The following ZNF723 variants were observed in gnomAD, a reference collection of about 807,000 sequenced individuals.
The protein encoded by ZNF723 is zinc finger protein 723.
A neutral mutation model predicts 9.4 loss-of-function variants in ZNF723; 5 were observed. That is an observed-to-expected ratio of 0.53 (90% CI 0.28 to 1.12). The LOEUF (loss-of-function observed/expected upper bound fraction) is 1.12. ZNF723 is among the 50% of genes most tolerant of loss of function. The pLI is 0.10. For missense variants in ZNF723, 450 were observed against 501.5 expected (o/e 0.90, Z 0.98); for synonymous variants, 158 against 168.8 (o/e 0.94, Z 0.49).
At chr19:22,846,813 C>CTTTTTTTTTTTTTTTTTTTTT (rs760924027) in intron 1 of ZNF723, among the ~76,000 whole-genome samples, 1 of 69,112 alleles carries the variant, frequency 1.4e-5, no homozygotes, top group African/African-American at 6.0e-5. Flanking sequence ...CTATAATTTC[C>CTTTTTTTTTTTTTTTTTTTTT]TTTTTTTTTT....
At chr19:22,842,735 G>C (rs1018229454) in intron 1 of ZNF723, among the ~76,000 whole-genome samples, 10 of 152,062 alleles carry the variant, frequency 6.6e-5, no homozygotes, top group Admixed American at 6.6e-5. Flanking sequence ...TCTGCTTGCT[G>C]TAACACCCAA....
chr19:22,832,743 G>A (rs1356514832), intron 1 of ZNF723, among the ~76,000 whole-genome samples: 2 of 152,102 alleles, frequency 1.3e-5, no homozygotes, highest in Admixed American at 6.5e-5. Context: ...TGGTCCGTGG[G>A]GTTCCTAGTT....
At chr19:22,851,766 AT>A (rs1967399052) in intron 3 of ZNF723, among the ~76,000 whole-genome samples, 1 of 152,104 alleles carries the variant, frequency 6.6e-6, no homozygotes, top group African/African-American at 2.4e-5. Flanking sequence ...AAGTAAAATA[AT>A]TTTGAATAAA....
chr19:22,817,264 C>G, the ZNF723 span, among the ~76,000 whole-genome samples: 2 of 152,132 alleles, frequency 1.3e-5, no homozygotes, highest in Admixed American at 1.3e-4. Flanking sequence ...GACCCGGCAC[C>G]TAAGTTATGT....
chr19:22,828,294 A>T (rs1021753492), upstream of ZNF723, among the ~76,000 whole-genome samples: 5 of 152,182 alleles, frequency 3.3e-5, no homozygotes, highest in African/African-American at 1.2e-4. Context: ...TGAGAGTGCC[A>T]CTAAGGCCTA....
the ZNF723 span, among the ~76,000 whole-genome samples, chr19:22,813,602 A>G: frequency 6.6e-6 from 1 of 151,808 alleles, no homozygotes; most frequent in Admixed American, 6.6e-5. Flanking sequence ...TTAGTCAGGC[A>G]TTGTGGCGGG....
upstream of ZNF723, chr19:22,832,221 C>T (rs1967106090): frequency 2.5e-6 from 2 of 803,222 alleles, no homozygotes; most frequent in Non-Finnish European, 3.7e-6. Context: ...TTCAGGGATG[C>T]TTGACTAAGA....
the ZNF723 span, among the ~76,000 whole-genome samples, chr19:22,821,216 C>A: frequency 3.3e-5 from 5 of 152,292 alleles, no homozygotes; most frequent in South Asian, 8.3e-4. Flanking sequence ...ATTTCTGGAC[C>A]TGCTTGCAGG....
At chr19:22,856,427 G>C (rs193044338) in intron 3 of ZNF723, among the ~76,000 whole-genome samples, 13 of 152,184 alleles carry the variant, frequency 8.5e-5, no homozygotes, top group African/African-American at 2.9e-4. Flanking sequence ...AAATCTACCT[G>C]TTACATAATT....
intron 1 of ZNF723, among the ~76,000 whole-genome samples, chr19:22,843,802 CT>C (rs2145216730): frequency 6.6e-6 from 1 of 152,168 alleles, no homozygotes; most frequent in South Asian, 2.1e-4. Flanking sequence ...AATAATTACC[CT>C]AGAGAACCTT....
At chr19:22,832,921 A>T (rs543103299) in intron 1 of ZNF723, among the ~76,000 whole-genome samples, 1 of 152,330 alleles carries the variant, frequency 6.6e-6, no homozygotes, top group Non-Finnish European at 1.5e-5. Flanking sequence ...CAAATTCTGT[A>T]ATCAGGCACA....
At chr19:22,855,158 A>G (rs1967457748) in intron 3 of ZNF723, among the ~76,000 whole-genome samples, 1 of 152,116 alleles carries the variant, frequency 6.6e-6, no homozygotes, top group South Asian at 2.1e-4. Context: ...AATGGTAGGA[A>G]ATTTCATTTT....
At chr19:22,856,944 A>G (rs566898776) in intron 3 of ZNF723, among the ~76,000 whole-genome samples, 174 bp from the exon 4 acceptor site, 1 of 152,216 alleles carries the variant, frequency 6.6e-6, no homozygotes, top group East Asian at 1.9e-4. Flanking sequence ...ATTTTCCACA[A>G]ATGTATTTTG....
At chr19:22,852,521 T>G (rs1409021080) in intron 3 of ZNF723, among the ~76,000 whole-genome samples, 1 of 152,192 alleles carries the variant, frequency 6.6e-6, no homozygotes, top group East Asian at 1.9e-4. Context: ...GGTTGTTTAA[T>G]CTTTTCTAGG....
chr19:22,814,925 G>A, the ZNF723 span, among the ~76,000 whole-genome samples: 6 of 152,062 alleles, frequency 3.9e-5, no homozygotes, highest in African/African-American at 1.4e-4. Context: ...CTCTGCCCAA[G>A]AACAGATTGT....
chr19:22,813,495 G>A, the ZNF723 span, among the ~76,000 whole-genome samples: 2 of 152,110 alleles, frequency 1.3e-5, no homozygotes, highest in Admixed American at 6.5e-5. Flanking sequence ...AATGCCTACA[G>A]GGGACACTGA....
chr19:22,832,503 T>G, intron 1 of ZNF723, 121 bp downstream of exon 1: 2 of 1,111,830 alleles, frequency 1.8e-6, no homozygotes, highest in Non-Finnish European at 2.6e-6. Context: ...CTCGGAGTTC[T>G]AGCCTGGCCC....
At chr19:22,832,744 G>A (rs1312766998) in intron 1 of ZNF723, among the ~76,000 whole-genome samples, 1 of 152,182 alleles carries the variant, frequency 6.6e-6, no homozygotes, top group East Asian at 1.9e-4. Context: ...GGTCCGTGGG[G>A]TTCCTAGTTC....
At chr19:22,833,954 T>C (rs1967132233) in intron 1 of ZNF723, among the ~76,000 whole-genome samples, 1 of 127,538 alleles carries the variant, frequency 7.8e-6, no homozygotes, top group Non-Finnish European at 1.6e-5. Context: ...TTTTTCCGAG[T>C]CTCCTTCTGT....
Sources: allele counts gnomAD v4.1 joint callset (sites outside exome capture counted in the v4.1 genomes callset), GRCh38; gene constraint gnomAD v4.1.1; transcripts MANE v1.5; gene names NCBI Gene and HGNC (gene_info 2026-07-23, HGNC 2026-07-21).